SSX5: variants seen among roughly 807,000 people sequenced by gnomAD.
The protein encoded by SSX5 is protein SSX5.
Under a neutral mutation model 14.9 loss-of-function variants are expected in SSX5, and 14 were observed. The ratio of observed to expected loss-of-function variants is 0.94; its 90% CI spans 0.62 to 1.47. The LOEUF is 1.47. Ranked by LOEUF, SSX5 falls within the 40% of genes most tolerant of loss-of-function variation. SSX5 has a pLI of 0.00. For synonymous variants in SSX5, 70 were observed against 55.4 expected, an observed-to-expected ratio of 1.26 and a Z score of -1.17; for missense variants, 204 against 154.6, an observed-to-expected ratio of 1.32 and a Z score of -1.70.
chrX:48,195,259 C>T (rs2059436359), intron 2 of SSX5, 31 bp downstream of exon 2: 3 of 1,205,087 alleles, frequency 2.5e-6, no homozygotes, highest in African/African-American at 3.5e-5. Context: ...GTCCCCTGGG[C>T]CACTACTATG....
At chrX:48,187,175 G>C (rs1228144275) in intron 7 of SSX5, among the ~76,000 whole-genome samples, 3 of 111,942 alleles carry the variant, frequency 2.7e-5, no homozygotes, top group African/African-American at 9.7e-5. Flanking sequence ...AGCATGGTTA[G>C]GCAGGCGCAG....
At chrX:48,193,018 G>T (rs782048965) in intron 4 of SSX5, among the ~76,000 whole-genome samples, 9 of 112,142 alleles carry the variant, frequency 8.0e-5, no homozygotes, top group Non-Finnish European at 1.7e-4. Context: ...AAGTGGGAAA[G>T]CTCTCTGTGT....
At chrX:48,188,287 T>G (rs1489023437) in intron 6 of SSX5, among the ~76,000 whole-genome samples, 1 of 112,582 alleles carries the variant, frequency 8.9e-6, no homozygotes, top group Non-Finnish European at 1.9e-5. Context: ...TATATACTTA[T>G]GGGATACATG....
chrX:48,190,173 T>C lies in SSX5; in HGVS notation c.426A>G (p.Ser142=). Residue 142 remains serine, a synonymous_variant, in exon 6 of 8, where the codon TCA becomes TCG. Coordinates refer to ENST00000347757, the MANE Select transcript of SSX5 (RefSeq NM_175723.2). Reference sequence around the variant, plus strand: ...CCTTCTCAGAGGTATTTAGTTTTCCTGAGGGGCGCAGCTGTTTCCCATTGT... The same window carrying C: ...CCTTCTCAGAGGTATTTAGTTTTCCCGAGGGGCGCAGCTGTTTCCCATTGT... The part of the protein sequence containing the change: ...PQNNGKQLRP[S]GKLNTSEKVN... 1 of 1,210,840 alleles carries C rather than the reference T, an allele frequency of 8.3e-7. No individual in the cohort carries two copies. The highest frequency in any genetic ancestry group is 1.1e-6 in the Non-Finnish European group (1 of 895,045).
chrX:48,187,837 C>T (rs1226361290), intron 6 of SSX5, 106 bp from the exon 7 acceptor site: 4 of 994,214 alleles, frequency 4.0e-6, no homozygotes, highest in African/African-American at 1.9e-5. Flanking sequence ...GATGCCTCCC[C>T]ACCACCAAGT....
intron 3 of SSX5, 94 bp downstream of exon 3, chrX:48,194,646 C>A: frequency 1.0e-6 from 1 of 982,365 alleles, no homozygotes; most frequent in Non-Finnish European, 1.4e-6. Flanking sequence ...AAAAGGAAAA[C>A]GTGGGGTACT....
At chrX:48,187,824 G>A (rs1205793592) in intron 6 of SSX5, 93 bp from the exon 7 acceptor site, 367 of 1,050,715 alleles carry the variant, frequency 3.5e-4, no homozygotes, top group Non-Finnish European at 4.3e-4. Context: ...CTCCAAAAAA[G>A]GAGATGCCTC....
chrX:48,191,363 A>C (rs1157093222), intron 5 of SSX5, among the ~76,000 whole-genome samples: 1 of 111,907 alleles, frequency 8.9e-6, no homozygotes, highest in Non-Finnish European at 1.9e-5. Flanking sequence ...CGGTCTCCAC[A>C]CTGGCAACCC....
In SSX5 at chrX:48,186,666, C is replaced by G. The variant is rs1389433249; in HGVS notation, c.*195G>C. On this transcript the variant is annotated 3_prime_UTR_variant, in exon 8 of 8. Transcript: ENST00000347757. ...TATCTAACAGAATGGCACACTGTAACAAAATACAACAGAAACACTAACATC... is the reference window on the plus strand; with the variant it reads ...TATCTAACAGAATGGCACACTGTAAGAAAATACAACAGAAACACTAACATC... The G allele has an allele frequency of 1.8e-5, 15 of 829,794 alleles. No homozygotes were observed. The highest frequency in any genetic ancestry group is 8.1e-5 in the African/African-American group (4 of 49,183). 68.4% of individuals were successfully genotyped at this position (829,794 alleles called of 1,213,427 possible). A position where few individuals can be genotyped will look rare whatever the true frequency, so the allele number is the denominator to read the frequency against.
intron 2 of SSX5, 98 bp downstream of exon 2, chrX:48,195,192 G>T: frequency 8.3e-7 from 1 of 1,208,454 alleles, no homozygotes; most frequent in Non-Finnish European, 1.1e-6. Context: ...GGAGACCCTG[G>T]TCCTTGTCCC....
At position 48,187,490 on chromosome X, in the gene SSX5, A is replaced by G. The variant is rs782588070; in HGVS notation, c.*4+137T>C. On this transcript the variant is annotated intron_variant, in intron 7 of 7. Coordinates refer to ENST00000347757, the MANE Select transcript of SSX5 (RefSeq NM_175723.2). ...AAAAAAAAACATGGGAAATTTCATC[A>G]TTCAGCCTCAATGCTGTACCCTAGA... 2.2e-5 allele frequency: 18 copies of G among 821,386 alleles called. No homozygotes were observed. In the African/African-American group the frequency reaches 3.8e-4, roughly 17 times the overall value. The allele number at this position is 821,386 out of a possible 1,213,427, so 67.7% of individuals were successfully genotyped here.
chrX:48,190,994 T>C (rs2059417742), intron 5 of SSX5, among the ~76,000 whole-genome samples: 1 of 109,672 alleles, frequency 9.1e-6, no homozygotes. Context: ...AACATCCAAC[T>C]CCCATGTTTA....
intron 4 of SSX5, among the ~76,000 whole-genome samples, chrX:48,193,093 G>A (rs1401090129): frequency 9.0e-6 from 1 of 111,608 alleles, no homozygotes; most frequent in African/African-American, 3.3e-5. Flanking sequence ...AGGGTTCTTT[G>A]GGAATTAGAG....
rs1391482689 is a variant in SSX5 at position 48,187,792 on chromosome X, G to A, written c.467-61C>T. 3.5e-6 allele frequency: 4 copies of A among 1,159,161 alleles called. No homozygotes were observed. In the African/African-American group the frequency reaches 5.4e-5, roughly 16 times the overall value. On this transcript the variant is annotated intron_variant, in intron 6 of 7. Coordinates refer to ENST00000347757, the MANE Select transcript of SSX5 (RefSeq NM_175723.2). ...TAGATTGGAGAGGGTTGGGTTGATT[G>A]GAGAGTGTTAGGCTCTGTTTTCTCC...
At position 48,187,721 on chromosome X, in the gene SSX5, C is replaced by T. The variant is rs1300013347; in HGVS notation, c.477G>A (p.Arg159=). 2 of 1,206,262 alleles carry T rather than the reference C, an allele frequency of 1.7e-6. No individual in the cohort carries two copies. Among genetic ancestry groups the T allele is most frequent in the East Asian group, 3.0e-5 (1 of 33,738 alleles). ...CTCTGTGGGTCCAGGCATGTTTCCC[C>T]CTTTTGGGTCCTATGATGGAGAAGA... is the stretch of plus-strand genomic sequence containing the variant. ...EKVNKTSGPK[R]GKHAWTHRVR... The change falls in exon 7 of 8, where the codon AGG becomes AGA. Residue 159 remains arginine (R), a synonymous_variant. Transcript: ENST00000347757.
chrX:48,195,280 G>A lies in SSX5; in HGVS notation c.69+10C>T, dbSNP rs370150651. On this transcript the variant is annotated intron_variant, in intron 2 of 7. Coordinates refer to ENST00000347757, the MANE Select transcript of SSX5 (RefSeq NM_175723.2). ...TGGGCCACTACTATGCCCCCTGCAG[G>A]TCACCTCACCTTTTGCATCTTCTCT... is the stretch of plus-strand genomic sequence containing the variant. 129 of 1,208,926 alleles carry A rather than the reference G, an allele frequency of 1.1e-4. No individual in the cohort carries two copies. Among genetic ancestry groups the A allele is most frequent in the Non-Finnish European group, 1.4e-4 (125 of 894,512 alleles).
At chrX:48,195,578 G>T (rs139547642) in intron 1 of SSX5, among the ~76,000 whole-genome samples, 200 bp from the exon 2 acceptor site, 206 of 111,878 alleles carry the variant, frequency 1.8e-3, no homozygotes, top group African/African-American at 6.3e-3. Flanking sequence ...GAGAAGTATT[G>T]ATTGGGGATG....
chrX:48,194,603 A>G lies in SSX5; in HGVS notation c.184+137T>C, dbSNP rs182615518. The G allele has an allele frequency of 2.4e-4, 166 of 691,055 alleles. No homozygotes were observed. The East Asian group carries it at 5.5e-3, about 23-fold the overall frequency. The allele number at this position is 691,055 out of a possible 1,213,427, so 57.0% of individuals were successfully genotyped here. On this transcript the variant is annotated intron_variant, in intron 3 of 7. Coordinates refer to ENST00000347757, the MANE Select transcript of SSX5 (RefSeq NM_175723.2). ...CTGACAAGATACAGAAGAGCAGAGC[A>G]CCCAGAAGCTGCCTTGCCATTTTTC...
chrX:48,190,288 C>A lies in SSX5; in HGVS notation c.331-20G>T, dbSNP rs2059415020. 10 of 1,178,932 alleles carry A rather than the reference C, an allele frequency of 8.5e-6. No homozygotes were observed. The African/African-American group carries it at 1.1e-4, about 13-fold the overall frequency. On this transcript the variant is annotated intron_variant, in intron 5 of 7. Transcript: ENST00000347757. ...CGTGATCTTTATAATGTGAAGGTCA[C>A]AGATAAACAGTATCAGTGACATTTC...
Sources: allele counts gnomAD v4.1 joint callset (sites outside exome capture counted in the v4.1 genomes callset), GRCh38; gene constraint gnomAD v4.1.1; transcripts MANE v1.5; gene names NCBI Gene and HGNC (gene_info 2026-07-23, HGNC 2026-07-21).